NTM: variants seen among roughly 807,000 people sequenced by gnomAD.
NTM encodes neurotrimin.
In NTM, 13 loss-of-function variants were observed where a neutral mutation model predicts 42.1. The ratio of observed to expected loss-of-function variants is 0.31; its 90% CI spans 0.20 to 0.49. The LOEUF is 0.49. NTM is among the 20% of genes least tolerant of loss of function. NTM has a pLI of 0.99. For missense variants in NTM, 373 were observed against 452.8 expected (o/e 0.82, Z 1.60); for synonymous variants, 187 against 179.2 (o/e 1.04, Z -0.35).
chr11:132,076,682 G>A (rs2058408231), intron 2 of NTM, among the ~76,000 whole-genome samples: 1 of 152,126 alleles, frequency 6.6e-6, no homozygotes, highest in South Asian at 2.1e-4. Flanking sequence ...ATGCATCCAT[G>A]TTTTTGAGTC....
At chr11:131,883,848 T>C (rs778554558) in intron 1 of NTM, among the ~76,000 whole-genome samples, 45 of 152,292 alleles carry the variant, frequency 3.0e-4, no homozygotes, top group Admixed American at 2.0e-3. Flanking sequence ...ATCATATCTT[T>C]GTACGTGGAC....
At chr11:132,150,285 C>T (rs1243013515) in intron 3 of NTM, among the ~76,000 whole-genome samples, 3 of 152,142 alleles carry the variant, frequency 2.0e-5, no homozygotes, top group Admixed American at 6.5e-5. Flanking sequence ...TGCTCCATCC[C>T]CATGGCCAGA....
At chr11:132,170,991 C>A (rs940064040) in intron 3 of NTM, among the ~76,000 whole-genome samples, 1 of 152,138 alleles carries the variant, frequency 6.6e-6, no homozygotes, top group African/African-American at 2.4e-5. Flanking sequence ...GTACTCAGCT[C>A]ATTAAATTGT....
intron 1 of NTM, among the ~76,000 whole-genome samples, chr11:131,885,848 CA>C (rs1350437384): frequency 6.6e-6 from 1 of 152,174 alleles, no homozygotes; most frequent in Non-Finnish European, 1.5e-5. Flanking sequence ...GAAGGCTGCA[CA>C]TGGTGGCCAC....
chr11:131,805,113 A>G (rs970201335), intron 1 of NTM, among the ~76,000 whole-genome samples: 3 of 152,244 alleles, frequency 2.0e-5, no homozygotes, highest in Non-Finnish European at 4.4e-5. Flanking sequence ...CATTCACGTT[A>G]TAATATATGC....
chr11:132,282,976 C>CTT lies in NTM; in HGVS notation c.527-24689_527-24688dup, dbSNP rs142817071. On this transcript the variant is annotated intron_variant, in intron 4 of 8. Coordinates refer to ENST00000683400, the MANE Select transcript of NTM (RefSeq NM_001352005.2). ...AATGAAACGGGAAATTCCTTTATTC[C>CTT]TTTTTTTTTTTTTTTTTTTTTTTTT... Among the ~76,000 whole-genome samples, 84 of 108,976 alleles carry CTT rather than the reference C, an allele frequency of 7.7e-4. 1 individual carries two copies. The highest frequency in any genetic ancestry group is 3.5e-3 in the South Asian group (11 of 3,128). 71.5% of individuals were successfully genotyped at this position (108,976 alleles called of 152,430 possible). A position where few individuals can be genotyped will look rare whatever the true frequency, so the allele number is the denominator to read the frequency against.
intron 1 of NTM, among the ~76,000 whole-genome samples, chr11:131,609,885 G>A (rs1327320514): frequency 6.6e-6 from 1 of 152,120 alleles, no homozygotes; most frequent in Non-Finnish European, 1.5e-5. Flanking sequence ...ATCTGCAGAG[G>A]TTGGCAGAGC....
intron 1 of NTM, among the ~76,000 whole-genome samples, chr11:131,676,600 G>A (rs1357538484): frequency 6.6e-6 from 1 of 152,214 alleles, no homozygotes; most frequent in African/African-American, 2.4e-5. Context: ...ATATTTTCAG[G>A]AAGTCTATAA....
At chr11:131,825,288 C>T (rs555384443) in intron 1 of NTM, among the ~76,000 whole-genome samples, 1 of 151,046 alleles carries the variant, frequency 6.6e-6, no homozygotes, top group Non-Finnish European at 1.5e-5. Context: ...ATGACCTAAT[C>T]TTAATTTAAC....
intron 1 of NTM, among the ~76,000 whole-genome samples, chr11:131,580,822 C>A (rs1277730727): frequency 6.6e-6 from 1 of 152,118 alleles, no homozygotes; most frequent in African/African-American, 2.4e-5. Flanking sequence ...AAAAAAGAAT[C>A]TTTTTTAGTC....
intron 2 of NTM, among the ~76,000 whole-genome samples, chr11:132,057,999 T>C (rs2079975224): frequency 6.6e-6 from 1 of 152,214 alleles, no homozygotes; most frequent in Non-Finnish European, 1.5e-5. Context: ...TGTTCATGAC[T>C]GAAATATTTT....
intron 1 of NTM, among the ~76,000 whole-genome samples, chr11:131,753,645 A>G (rs956772844): frequency 6.6e-6 from 1 of 150,724 alleles, no homozygotes; most frequent in Non-Finnish European, 1.5e-5. Flanking sequence ...CCCAAGAACA[A>G]AAAACCAAAC....
At chr11:131,706,443 A>G (rs936560102) in intron 1 of NTM, among the ~76,000 whole-genome samples, 1 of 152,060 alleles carries the variant, frequency 6.6e-6, no homozygotes, top group Admixed American at 6.5e-5. Context: ...AAAAATCAAT[A>G]AGGAAACAAT....
intron 4 of NTM, among the ~76,000 whole-genome samples, chr11:132,294,376 C>T (rs774690268): frequency 3.3e-5 from 5 of 152,062 alleles, no homozygotes; most frequent in Admixed American, 6.5e-5. Context: ...TGCTCTTGTA[C>T]TGTACCATGG....
chr11:131,955,144 G>C (rs78280178), intron 2 of NTM, among the ~76,000 whole-genome samples: 3,721 of 152,216 alleles, frequency 0.024, 155 homozygotes, highest in African/African-American at 0.086. Context: ...CCTTCAGGAA[G>C]GTACCCTGAG....
chr11:131,978,212 T>C (rs2134843315), intron 2 of NTM, among the ~76,000 whole-genome samples: 1 of 152,286 alleles, frequency 6.6e-6, no homozygotes, highest in Non-Finnish European at 1.5e-5. Context: ...TGACAATGGA[T>C]GGAACAATAG....
chr11:131,476,158 T>C, intron 1 of NTM, among the ~76,000 whole-genome samples: 1 of 152,230 alleles, frequency 6.6e-6, no homozygotes, highest in Non-Finnish European at 1.5e-5. Flanking sequence ...ACTTACTCTT[T>C]AGCTTTTCAC....
At chr11:132,033,320 C>T (rs868332276) in intron 2 of NTM, among the ~76,000 whole-genome samples, 1 of 152,094 alleles carries the variant, frequency 6.6e-6, no homozygotes, top group African/African-American at 2.4e-5. Flanking sequence ...GGTGTCAGGC[C>T]GTCAAATGTC....
Position 132,181,129 on chromosome 11 carries a change from C to G in NTM, c.401-30893C>G, listed in dbSNP as rs146184953. Among the ~76,000 whole-genome samples the G allele has an allele frequency of 2.3e-3, 356 of 152,248 alleles. 2 individuals are homozygous for G. Among genetic ancestry groups the G allele is most frequent in the African/African-American group, 8.2e-3 (342 of 41,564 alleles). On this transcript the variant is annotated intron_variant, in intron 3 of 8. Coordinates refer to ENST00000683400, the MANE Select transcript of NTM (RefSeq NM_001352005.2). ...TAATTGATGCAGTTGCTACCACTGTCCTTACTGATGATACTTTCTTTACCA... is the reference window on the plus strand; with the variant it reads ...TAATTGATGCAGTTGCTACCACTGTGCTTACTGATGATACTTTCTTTACCA...
Sources: gnomAD v4.1 joint callset for allele counts (sites outside exome capture counted in the v4.1 genomes callset) on GRCh38, gnomAD v4.1.1 for gene constraint, MANE v1.5 for transcripts, NCBI Gene and HGNC (gene_info 2026-07-23, HGNC 2026-07-21) for gene names.